Variants in PDE2A observed in about 807,000 individuals in gnomAD.
PDE2A encodes the protein phosphodiesterase 2A, also known as cGMP-dependent 3',5'-cyclic phosphodiesterase.
In PDE2A, 53 loss-of-function variants were observed where a neutral mutation model predicts 133.6. The ratio of observed to expected loss-of-function variants is 0.40; its 90% confidence interval spans 0.32 to 0.50. PDE2A has a LOEUF of 0.50. Ranked by LOEUF, PDE2A falls within the 20% of genes least tolerant of loss-of-function variation. The probability of loss-of-function intolerance (pLI) is 0.73; values close to 1 mark genes in which losing one functional copy is unlikely to be tolerated. For missense variants in PDE2A, 796 were observed against 1,232.4 expected (o/e 0.65, Z 5.30); for synonymous variants, 491 against 490.2 (o/e 1.00, Z -0.02).
At chr11:72,665,291 A>G (rs1262171844) in intron 1 of PDE2A, among the ~76,000 whole-genome samples, 1 of 152,008 alleles carries the variant, frequency 6.6e-6, no homozygotes, top group East Asian at 1.9e-4. Context: ...AGAGCCCTGC[A>G]TGATTCAGGA....
intron 2 of PDE2A, among the ~76,000 whole-genome samples, chr11:72,621,156 C>T (rs1024851945): frequency 6.6e-6 from 1 of 152,142 alleles, no homozygotes; most frequent in African/African-American, 2.4e-5. Flanking sequence ...TGTCTGACAC[C>T]ACAGGCCCTG....
chr11:72,669,743 G>C (rs1855343008), intron 1 of PDE2A, among the ~76,000 whole-genome samples: 1 of 152,140 alleles, frequency 6.6e-6, no homozygotes, highest in African/African-American at 2.4e-5. Flanking sequence ...CTAGCCAGCT[G>C]ATTTGCATAT....
At chr11:72,665,106 C>T (rs1855196767) in intron 1 of PDE2A, among the ~76,000 whole-genome samples, 1 of 152,088 alleles carries the variant, frequency 6.6e-6, no homozygotes, top group Non-Finnish European at 1.5e-5. Context: ...ATGCCTGGCC[C>T]ACTGAGAGTT....
chr11:72,589,726 A>T, intron 11 of PDE2A, 25 bp downstream of exon 11: 1 of 1,612,666 alleles, frequency 6.2e-7, no homozygotes, highest in South Asian at 1.1e-5. Context: ...GCAGACTCCA[A>T]CGAGAAGACA....
chr11:72,637,235 C>T (rs1858741137), intron 2 of PDE2A, among the ~76,000 whole-genome samples: 1 of 152,212 alleles, frequency 6.6e-6, no homozygotes. Flanking sequence ...GAGTTTATCT[C>T]CCTCGTTGCC....
intron 1 of PDE2A, among the ~76,000 whole-genome samples, chr11:72,662,801 C>A (rs117526175): frequency 5.3e-5 from 8 of 152,156 alleles, no homozygotes; most frequent in African/African-American, 1.4e-4. Context: ...GTCTAGCCCC[C>A]CTACTTCACC....
Position 72,576,616 on chromosome 11 carries a change from G to T in PDE2A, c.*768C>A. ...TGATCTAAAATGGATCTTAGAGCATGGATTGTCTTACCCGCTCCCTGTTTG... is the reference window on the plus strand; with the variant it reads ...TGATCTAAAATGGATCTTAGAGCATTGATTGTCTTACCCGCTCCCTGTTTG... On this transcript the variant is annotated 3_prime_UTR_variant, in exon 31 of 31. Coordinates refer to ENST00000334456, the MANE Select transcript of PDE2A (RefSeq NM_002599.5). 1 of 169,642 alleles carries T rather than the reference G, an allele frequency of 5.9e-6. No homozygotes were observed. The highest frequency in any genetic ancestry group is 1.5e-5 in the Non-Finnish European group (1 of 68,362). The allele number at this position is 169,642 out of a possible 1,614,324, so 10.5% of individuals were successfully genotyped here.
chr11:72,594,599 G>C (rs951854696), intron 6 of PDE2A, among the ~76,000 whole-genome samples: 3 of 152,098 alleles, frequency 2.0e-5, no homozygotes, highest in African/African-American at 7.2e-5. Context: ...GAAAACTCCT[G>C]GCAGCCAGAG....
intron 12 of PDE2A, 90 bp downstream of exon 12, chr11:72,589,085 C>T: frequency 3.1e-6 from 4 of 1,304,680 alleles, no homozygotes; most frequent in Non-Finnish European, 4.4e-6. Flanking sequence ...CTGCCCCATT[C>T]CTAGGCTGCT....
chr11:72,629,060 G>T (rs1858238230), intron 2 of PDE2A, among the ~76,000 whole-genome samples: 1 of 152,210 alleles, frequency 6.6e-6, no homozygotes, highest in Non-Finnish European at 1.5e-5. Flanking sequence ...TGAGTGTGGG[G>T]ATGGGGTCAG....
chr11:72,622,524 A>T (rs2135398697), intron 2 of PDE2A, among the ~76,000 whole-genome samples: 1 of 152,360 alleles, frequency 6.6e-6, no homozygotes, highest in East Asian at 1.9e-4. Context: ...AAAGGAAGGA[A>T]ATCCTGTCAC....
At chr11:72,631,110 C>T (rs1281971142) in intron 2 of PDE2A, 16 of 1,548,282 alleles carry the variant, frequency 1.0e-5, no homozygotes, top group Non-Finnish European at 1.4e-5. Context: ...CCTGGGGGTC[C>T]TGGCTCCTTT....
intron 2 of PDE2A, among the ~76,000 whole-genome samples, chr11:72,640,759 G>T (rs1396684496): frequency 6.6e-6 from 1 of 152,012 alleles, no homozygotes; most frequent in Non-Finnish European, 1.5e-5. Flanking sequence ...ACTACATATA[G>T]AATCCTGTAT....
At chr11:72,625,003 G>T (rs1297805548) in intron 2 of PDE2A, among the ~76,000 whole-genome samples, 1 of 152,188 alleles carries the variant, frequency 6.6e-6, no homozygotes, top group Admixed American at 6.5e-5. Context: ...CCCCAACTGG[G>T]CACAGTCGCC....
intron 1 of PDE2A, among the ~76,000 whole-genome samples, chr11:72,654,943 C>T (rs1427311951): frequency 6.6e-6 from 1 of 152,178 alleles, no homozygotes; most frequent in East Asian, 1.9e-4. Flanking sequence ...CGAGACCTGC[C>T]TCTAGGGCAG....
At chr11:72,607,108 A>G (rs994411905) in intron 3 of PDE2A, among the ~76,000 whole-genome samples, 1 of 152,060 alleles carries the variant, frequency 6.6e-6, no homozygotes, top group Non-Finnish European at 1.5e-5. Flanking sequence ...CCTCCGTGCA[A>G]TCAAGCCAGG....
chr11:72,661,345 CT>C (rs1480624023), intron 1 of PDE2A, among the ~76,000 whole-genome samples: 1 of 152,094 alleles, frequency 6.6e-6, no homozygotes, highest in Non-Finnish European at 1.5e-5. Flanking sequence ...TTCTGAGGCC[CT>C]GAGTAGCTGG....
intron 20 of PDE2A, among the ~76,000 whole-genome samples, chr11:72,583,089 A>C (rs1418905395): frequency 6.6e-6 from 1 of 152,216 alleles, no homozygotes; most frequent in Non-Finnish European, 1.5e-5. Context: ...CCAGGGCTGC[A>C]TGGGCATTGT....
chr11:72,613,165 T>C (rs952588121), intron 2 of PDE2A, among the ~76,000 whole-genome samples: 1 of 152,120 alleles, frequency 6.6e-6, no homozygotes, highest in Non-Finnish European at 1.5e-5. Flanking sequence ...GGTCCTCCTA[T>C]GGCTCACCCC....
Sources: allele counts gnomAD v4.1 joint callset (sites outside exome capture counted in the v4.1 genomes callset), GRCh38; gene constraint gnomAD v4.1.1; transcripts MANE v1.5; gene names NCBI Gene and HGNC (gene_info 2026-07-23, HGNC 2026-07-21).